IL1RAPL1: variants seen among roughly 807,000 people sequenced by gnomAD.
IL1RAPL1 encodes the protein interleukin 1 receptor accessory protein like 1.
IL1RAPL1 carries 3 observed loss-of-function variants against 48.4 expected under a neutral mutation model. The observed-to-expected ratio is 0.06, with a 90% CI of 0.03 to 0.16. The LOEUF (loss-of-function observed/expected upper bound fraction) is 0.16, where lower values mean the gene tolerates loss of function less well. IL1RAPL1 is among the 10% of genes least tolerant of loss of function. The pLI is 1.00. For synonymous variants in IL1RAPL1, 185 were observed against 187.7 expected, an observed-to-expected ratio of 0.99 and a Z score of 0.12; for missense variants, 349 against 530.6, an observed-to-expected ratio of 0.66 and a Z score of 3.36.
intron 2 of IL1RAPL1, among the ~76,000 whole-genome samples, chrX:29,116,821 G>T (rs774682362): frequency 2.8e-4 from 31 of 111,734 alleles, no homozygotes; most frequent in Non-Finnish European, 5.7e-4. Context: ...TACCCCCAAA[G>T]AAAATGTTCA....
chrX:28,834,461 A>G (rs1245342360), intron 2 of IL1RAPL1, among the ~76,000 whole-genome samples: 1 of 110,976 alleles, frequency 9.0e-6, no homozygotes, highest in Non-Finnish European at 1.9e-5. Context: ...CATTCAGGCT[A>G]TGATTTTTCA....
At chrX:29,741,695 C>T (rs902332026) in intron 6 of IL1RAPL1, among the ~76,000 whole-genome samples, 1 of 108,887 alleles carries the variant, frequency 9.2e-6, no homozygotes, top group South Asian at 4.0e-4. Context: ...TCGAGGTGGG[C>T]GGATCATCTC....
intron 3 of IL1RAPL1, among the ~76,000 whole-genome samples, chrX:29,367,737 C>T (rs112314405): frequency 1.5e-3 from 162 of 108,398 alleles, no homozygotes; most frequent in African/African-American, 4.8e-3. Flanking sequence ...CACGCCACCA[C>T]GCCAGGCAAA....
intron 1 of IL1RAPL1, among the ~76,000 whole-genome samples, chrX:28,743,815 G>C (rs1287373142): frequency 3.6e-5 from 4 of 110,712 alleles, no homozygotes; most frequent in Non-Finnish European, 7.6e-5. Context: ...ATTATATCAA[G>C]CTAATTAATC....
intron 1 of IL1RAPL1, among the ~76,000 whole-genome samples, chrX:28,591,774 C>T (rs1008878463): frequency 3.6e-5 from 4 of 111,118 alleles, no homozygotes; most frequent in East Asian, 5.7e-4. Context: ...ACTGTACTTC[C>T]GGCTCTGTCA....
At chrX:29,788,403 A>G (rs1929553847) in intron 6 of IL1RAPL1, among the ~76,000 whole-genome samples, 1 of 111,996 alleles carries the variant, frequency 8.9e-6, no homozygotes, top group Non-Finnish European at 1.9e-5. Context: ...TACAACATGC[A>G]CAAAATGAAG....
chrX:29,493,236 A>C (rs1935177579), intron 5 of IL1RAPL1, among the ~76,000 whole-genome samples: 1 of 111,947 alleles, frequency 8.9e-6, no homozygotes, highest in South Asian at 3.7e-4. Context: ...TAAGAGATCA[A>C]AGTTTTGTCT....
chrX:29,406,490 C>T (rs1934073172), intron 5 of IL1RAPL1, among the ~76,000 whole-genome samples: 1 of 111,088 alleles, frequency 9.0e-6, no homozygotes, highest in African/African-American at 3.3e-5. Flanking sequence ...GGAATAATAC[C>T]CTCCATACAG....
At chrX:28,690,930 A>C (rs982719547) in intron 1 of IL1RAPL1, among the ~76,000 whole-genome samples, 1 of 111,206 alleles carries the variant, frequency 9.0e-6, no homozygotes, top group Non-Finnish European at 1.9e-5. Context: ...CTATCACCCT[A>C]TTCCAAGCTC....
intron 5 of IL1RAPL1, among the ~76,000 whole-genome samples, chrX:29,484,127 AAC>A (rs1359993979): frequency 8.9e-6 from 1 of 111,891 alleles, no homozygotes; most frequent in Non-Finnish European, 1.9e-5. Context: ...GAAAGAAAGA[AAC>A]ACAATGTCTT....
intron 6 of IL1RAPL1, among the ~76,000 whole-genome samples, chrX:29,758,940 C>T (rs1357683722): frequency 1.8e-5 from 2 of 111,467 alleles, no homozygotes; most frequent in East Asian, 2.8e-4. Context: ...GAATTACCTG[C>T]ACCATGGAAA....
chrX:28,850,549 T>C (rs543176395), intron 2 of IL1RAPL1, among the ~76,000 whole-genome samples: 2 of 111,176 alleles, frequency 1.8e-5, no homozygotes, highest in East Asian at 5.7e-4. Context: ...CTTCCCCCTA[T>C]TCTTCAAAGA....
chrX:29,548,070 G>C (rs1921685754), intron 5 of IL1RAPL1, among the ~76,000 whole-genome samples: 1 of 112,224 alleles, frequency 8.9e-6, no homozygotes, highest in South Asian at 3.6e-4. Flanking sequence ...CAGGTGATAC[G>C]CTTGTTCCAT....
At chrX:29,436,789 C>G (rs756662735) in intron 5 of IL1RAPL1, among the ~76,000 whole-genome samples, 23 of 110,389 alleles carry the variant, frequency 2.1e-4, no homozygotes, top group South Asian at 7.5e-4. Context: ...ACAGAGTACT[C>G]TAATAGGTCC....
intron 5 of IL1RAPL1, among the ~76,000 whole-genome samples, chrX:29,403,122 A>G (rs769559744): frequency 8.9e-6 from 1 of 112,177 alleles, no homozygotes; most frequent in East Asian, 2.8e-4. Flanking sequence ...GAATGTCCAC[A>G]TATTTTGTGT....
chrX:29,765,359 G>A (rs2147147477), intron 6 of IL1RAPL1, among the ~76,000 whole-genome samples: 1 of 109,630 alleles, frequency 9.1e-6, no homozygotes, highest in South Asian at 4.0e-4. Flanking sequence ...CTTTGCCACT[G>A]GTATAATTTA....
chrX:28,667,389 C>G (rs181595317), intron 1 of IL1RAPL1, among the ~76,000 whole-genome samples: 1 of 112,087 alleles, frequency 8.9e-6, no homozygotes, highest in Non-Finnish European at 1.9e-5. Context: ...TATTGTCAAT[C>G]GAATCACTTT....
chrX:29,163,356 T>C (rs771045938), intron 2 of IL1RAPL1, among the ~76,000 whole-genome samples: 1 of 111,609 alleles, frequency 9.0e-6, no homozygotes, highest in South Asian at 3.7e-4. Context: ...AGCTCCTAGG[T>C]GCTGCTAATG....
intron 1 of IL1RAPL1, among the ~76,000 whole-genome samples, chrX:28,730,107 G>A (rs2146946116): frequency 8.9e-6 from 1 of 111,836 alleles, no homozygotes; most frequent in East Asian, 2.8e-4. Flanking sequence ...TGTAAAGATA[G>A]TAAAACTCTG....
Sources: gnomAD v4.1 joint callset for allele counts (sites outside exome capture counted in the v4.1 genomes callset) on GRCh38, gnomAD v4.1.1 for gene constraint, MANE v1.5 for transcripts, NCBI Gene and HGNC (gene_info 2026-07-23, HGNC 2026-07-21) for gene names.